SHROOM2: variants seen among roughly 807,000 people sequenced by gnomAD.
The protein encoded by SHROOM2 is shroom family member 2.
In SHROOM2, 33 loss-of-function variants were observed where a neutral mutation model predicts 75.9. That is an observed-to-expected ratio of 0.43 (90% CI 0.33 to 0.58). The LOEUF is 0.58. Ranked by LOEUF, SHROOM2 falls within the 20% of genes least tolerant of loss-of-function variation. SHROOM2 has a pLI of 0.04. For synonymous variants in SHROOM2, 655 were observed against 663.6 expected (o/e 0.99, Z 0.20); for missense variants, 1,434 against 1,461.2 (o/e 0.98, Z 0.30).
rs748598846 is a variant in SHROOM2, at chrX:9,895,162, C to G, written c.1254C>G (p.Arg418=). Residue 418 remains arginine, a synonymous_variant, in exon 4 of 10, where the codon CGC becomes CGG. Transcript: ENST00000380913. ...LQASLSSSDV[R]FPQSPHSGRH... ...CCTCTCTGTCCAGCTCAGATGTGCG[C>G]TTCCCTCAGTCTCCTCATAGCGGCC... 1 of 1,212,054 alleles carries G rather than the reference C, an allele frequency of 8.3e-7. No homozygotes were observed. The highest frequency in any genetic ancestry group is 1.8e-5 in the South Asian group (1 of 57,033).
intron 2 of SHROOM2, among the ~76,000 whole-genome samples, chrX:9,875,484 T>C (rs2084195883): frequency 8.9e-6 from 1 of 111,800 alleles, no homozygotes; most frequent in Non-Finnish European, 1.9e-5. Flanking sequence ...TTCTTCTGTC[T>C]CCTGTACTGT....
intron 2 of SHROOM2, among the ~76,000 whole-genome samples, chrX:9,875,080 C>CAAAA (rs375824306): frequency 0.031 from 379 of 12,374 alleles, 33 homozygotes; most frequent in African/African-American, 0.068. Flanking sequence ...GACCCTGTCT[C>CAAAA]AAAAAAAAAA....
chrX:9,811,063 G>T (rs1432948802), intron 1 of SHROOM2, among the ~76,000 whole-genome samples: 1 of 112,049 alleles, frequency 8.9e-6, no homozygotes, highest in African/African-American at 3.2e-5. Flanking sequence ...TGCAGGATAG[G>T]CAAACCCATA....
chrX:9,848,987 C>T (rs1021440134), intron 1 of SHROOM2, among the ~76,000 whole-genome samples: 8 of 111,784 alleles, frequency 7.2e-5, no homozygotes, highest in African/African-American at 2.6e-4. Context: ...CCAGAGCGAC[C>T]GTTTGCATCC....
chrX:9,891,639 A>AGT (rs1225839044), intron 3 of SHROOM2, among the ~76,000 whole-genome samples: 1 of 108,529 alleles, frequency 9.2e-6, no homozygotes, highest in East Asian at 2.9e-4. Context: ...TGCTTGCGTG[A>AGT]GTGTGTGTGT....
intron 1 of SHROOM2, among the ~76,000 whole-genome samples, chrX:9,791,213 C>G (rs756662119): frequency 1.8e-5 from 2 of 110,980 alleles, no homozygotes; most frequent in Non-Finnish European, 3.8e-5. Context: ...AGGCTCAGAA[C>G]AAGTAGCAGT....
chrX:9,898,223 G>A lies in SHROOM2; in HGVS notation c.2824G>A (p.Asp942Asn), dbSNP rs1284683143. 6 of 1,188,385 alleles carry A rather than the reference G, an allele frequency of 5.0e-6. No individual in the cohort carries two copies. Among genetic ancestry groups the A allele is most frequent in the Middle Eastern group, 2.3e-4 (1 of 4,323 alleles). Residue 942 changes from aspartate (D) to asparagine (N), a missense_variant, in exon 5 of 10, where the codon GAC (aspartate) becomes AAC (asparagine). Around this residue, in one of 3 missense-constraint regions of SHROOM2, gnomAD observed 1,340 missense variants for 1,338.3 expected, o/e 1.00. Coordinates refer to ENST00000380913, the MANE Select transcript of SHROOM2 (RefSeq NM_001649.4). Reference protein sequence around the residue: ...ASVELRRQAGDPGEPREELPS... With the variant: ...ASVELRRQAGNPGEPREELPS... ...TGTCGAACTGCGAAGGCAGGCAGGG[G>A]ACCCCGGCGAGCCCAGAGAAGAGCT... is the stretch of plus-strand genomic sequence containing the variant.
At chrX:9,930,175 A>C (rs1331564760) in intron 5 of SHROOM2, among the ~76,000 whole-genome samples, 1 of 111,512 alleles carries the variant, frequency 9.0e-6, no homozygotes, top group Non-Finnish European at 1.9e-5. Flanking sequence ...AAGGGAAAAA[A>C]AGTGCAAGTG....
chrX:9,862,535 T>G (rs921235130), intron 1 of SHROOM2, among the ~76,000 whole-genome samples: 1 of 110,974 alleles, frequency 9.0e-6, no homozygotes, highest in Non-Finnish European at 1.9e-5. Flanking sequence ...TAAAAGTCGC[T>G]GGGAAGCTGC....
chrX:9,895,545 C>A lies in SHROOM2; in HGVS notation c.1637C>A (p.Ser546Tyr). The change falls in exon 4 of 10, where the codon TCC becomes TAC. Residue 546 changes from serine (S) to tyrosine (Y), a missense_variant. Transcript: ENST00000380913. Reference protein sequence around the residue: ...YPLDKGAEGCSAGAQEPPRAS... With the variant: ...YPLDKGAEGCYAGAQEPPRAS... The stretch of plus-strand genomic sequence containing the variant: ...CTGGACAAAGGGGCCGAGGGCTGCT[C>A]CGCGGGAGCCCAGGAGCCTCCCAGG... 1 of 1,181,865 alleles carries A rather than the reference C, an allele frequency of 8.5e-7. No homozygotes were observed.
At chrX:9,941,927 C>T (rs1259953241) in intron 8 of SHROOM2, among the ~76,000 whole-genome samples, 1 of 99,378 alleles carries the variant, frequency 1.0e-5, no homozygotes, top group Non-Finnish European at 2.0e-5. Context: ...GCTGAGATAG[C>T]GCCACTGCAC....
At chrX:9,937,063 C>T in intron 6 of SHROOM2, 71 bp from the exon 7 acceptor site, 3 of 1,042,025 alleles carry the variant, frequency 2.9e-6, no homozygotes, top group South Asian at 4.5e-5. Flanking sequence ...GAGGGGAGGG[C>T]AGGGGACACG....
intron 1 of SHROOM2, among the ~76,000 whole-genome samples, chrX:9,801,551 TTTAGAC>T: frequency 8.9e-6 from 1 of 112,520 alleles, no homozygotes; most frequent in Middle Eastern, 4.6e-3. Flanking sequence ...TACACTGGAT[TTTAGAC>T]TTAGTCTGAA....
At chrX:9,856,647 G>GC (rs1170435285) in intron 1 of SHROOM2, among the ~76,000 whole-genome samples, 2 of 111,654 alleles carry the variant, frequency 1.8e-5, no homozygotes, top group Non-Finnish European at 3.8e-5. Flanking sequence ...TGGAGCGTTT[G>GC]CCCCTGGGAT....
intron 1 of SHROOM2, among the ~76,000 whole-genome samples, chrX:9,814,368 C>G (rs926717701): frequency 8.9e-6 from 1 of 111,827 alleles, no homozygotes; most frequent in African/African-American, 3.3e-5. Context: ...CCACCATTAT[C>G]CCATACCCTT....
chrX:9,874,667 A>AGG, intron 2 of SHROOM2: 1 of 111,319 alleles, frequency 9.0e-6, no homozygotes, highest in Non-Finnish European at 1.9e-5. Context: ...GGTTGTGACT[A>AGG]ATTATTTGTA....
Position 9,947,131 on chromosome X carries a change from T to A in SHROOM2, c.*194T>A. ...TTTAATTTTTTAGTTTCCCCTTTGA[T>A]TGCTGAGAGCCATTTTCCTTTACAC... On this transcript the variant is annotated 3_prime_UTR_variant, in exon 10 of 10. Coordinates refer to ENST00000380913, the MANE Select transcript of SHROOM2 (RefSeq NM_001649.4). 2.2e-6 allele frequency: 1 copy of A among 459,856 alleles called. No homozygotes were observed. Among genetic ancestry groups the A allele is most frequent in the Admixed American group, 4.2e-5 (1 of 23,796 alleles). The allele number at this position is 459,856 out of a possible 1,213,427, so 37.9% of individuals were successfully genotyped here.
intron 3 of SHROOM2, among the ~76,000 whole-genome samples, chrX:9,893,694 G>A (rs905759551): frequency 5.4e-5 from 6 of 111,155 alleles, no homozygotes; most frequent in African/African-American, 1.6e-4. Context: ...GCTCATATCT[G>A]TAATCCCAGC....
At chrX:9,836,259 GCCTCA>G (rs1225697827) in intron 1 of SHROOM2, among the ~76,000 whole-genome samples, 2 of 112,151 alleles carry the variant, frequency 1.8e-5, no homozygotes, top group African/African-American at 6.5e-5. Flanking sequence ...ACCATGCTCA[GCCTCA>G]GTTTTCTCTC....
Sources: allele counts gnomAD v4.1 joint callset (sites outside exome capture counted in the v4.1 genomes callset), GRCh38; gene constraint gnomAD v4.1.1; regional missense constraint gnomAD v4.1.1; transcripts MANE v1.5; gene names NCBI Gene and HGNC (gene_info 2026-07-23, HGNC 2026-07-21).